The following HOOK1 variants were observed in gnomAD, a reference collection of about 807,000 sequenced individuals.
HOOK1 encodes protein Hook homolog 1.
Under a neutral mutation model 112.8 loss-of-function variants are expected in HOOK1, and 60 were observed. The observed-to-expected ratio is 0.53, with a 90% CI of 0.43 to 0.66. The LOEUF (loss-of-function observed/expected upper bound fraction) is 0.66. Among genes scored for constraint, HOOK1 ranks in the 30% least tolerant of loss-of-function variants. HOOK1 has a pLI of 0.00. For missense variants in HOOK1, 770 were observed against 856.0 expected, an observed-to-expected ratio of 0.90 and a Z score of 1.25; for synonymous variants, 294 against 283.8, an observed-to-expected ratio of 1.04 and a Z score of -0.36.
chr1:59,836,906 A>G lies in HOOK1; in HGVS notation c.508A>G (p.Asn170Asp). 2 of 1,596,924 alleles carry G rather than the reference A, an allele frequency of 1.3e-6. No homozygotes were observed. The highest frequency in any genetic ancestry group is 1.7e-6 in the Non-Finnish European group (2 of 1,167,742). ...MSKEILSSPP[N>D]DAVGELEQQL... ...TAAAGAAATATTGAGCTCTCCTCCA[A>G]ATGATGCTGTTGGAGAATTGGAGCA... is the stretch of plus-strand genomic sequence containing the variant. The change falls in exon 7 of 22, where the codon AAT becomes GAT. Residue 170 changes from asparagine to aspartate, a missense_variant. By Grantham distance (23) the Asn-to-Asp change is conservative. Coordinates refer to ENST00000371208, the MANE Select transcript of HOOK1 (RefSeq NM_015888.6).
At chr1:59,841,886 A>T (rs2098401196) in intron 8 of HOOK1, among the ~76,000 whole-genome samples, 1 of 152,140 alleles carries the variant, frequency 6.6e-6, no homozygotes, top group South Asian at 2.1e-4. Flanking sequence ...ACAGGTGCAG[A>T]TTGAACTTAT....
chr1:59,831,846 GT>G (rs2098394209), intron 3 of HOOK1, among the ~76,000 whole-genome samples: 1 of 152,104 alleles, frequency 6.6e-6, no homozygotes, highest in African/African-American at 2.4e-5. Flanking sequence ...TTATTTTCTA[GT>G]TATTAGTGAC....
chr1:59,834,624 A>G lies in HOOK1; in HGVS notation c.407-721A>G, dbSNP rs552728722. 8.8e-4 allele frequency among the ~76,000 whole-genome samples: 134 copies of G among 152,270 alleles called. No homozygotes were observed. The Middle Eastern group carries it at 0.01, about 12-fold the overall frequency. On this transcript the variant is annotated intron_variant, in intron 5 of 21. Transcript: ENST00000371208. The stretch of plus-strand genomic sequence containing the variant: ...TCTCTAAATATTTAATCACAAATTG[A>G]CAAGTAGTAATTTATTTATAAATCT...
At chr1:59,816,411 G>A (rs896402212) in intron 1 of HOOK1, among the ~76,000 whole-genome samples, 5 of 152,122 alleles carry the variant, frequency 3.3e-5, no homozygotes, top group African/African-American at 1.2e-4. Flanking sequence ...TAAGACTGTC[G>A]TAGAAACAAG....
At chr1:59,867,571 G>T (rs1348434142) in intron 19 of HOOK1, among the ~76,000 whole-genome samples, 1 of 151,992 alleles carries the variant, frequency 6.6e-6, no homozygotes, top group Non-Finnish European at 1.5e-5. Context: ...GAAATTTATG[G>T]TTTTTGCTTG....
rs934993017 is a variant in HOOK1 at position 59,840,210 on chromosome 1, C to G, written c.538-98C>G. 1.6e-5 allele frequency: 9 copies of G among 570,650 alleles called. No individual in the cohort carries two copies. In the Admixed American group the frequency reaches 2.1e-4, roughly 13 times the overall value. The allele number at this position is 570,650 out of a possible 1,614,324, so 35.3% of individuals were successfully genotyped here. On this transcript the variant is annotated intron_variant, in intron 7 of 21. Coordinates refer to ENST00000371208, the MANE Select transcript of HOOK1 (RefSeq NM_015888.6). ...AAATTCAAAAAATAATTTCCCATAT[C>G]AGTGTATATGTGTGTTGTGAGAAGA...
rs1300268813 is a variant in HOOK1, at chr1:59,868,279, T to C, written c.1875T>C (p.Asn625=). 6 of 1,609,282 alleles carry C rather than the reference T, an allele frequency of 3.7e-6. No individual in the cohort carries two copies. In the Admixed American group the frequency reaches 1.0e-4, roughly 27 times the overall value. The part of the protein sequence containing the change: ...NVIKTLDPKL[N]PASAEIMLLR... ...TAAAAACTTTGGATCCCAAGTTAAA[T>C]CCAGCATCAGCTGAAATAATGCTAC... Residue 625 remains asparagine, a synonymous_variant, in exon 20 of 22, where the codon AAT becomes AAC. Coordinates refer to ENST00000371208, the MANE Select transcript of HOOK1 (RefSeq NM_015888.6).
chr1:59,842,730 GA>G (rs1467099632), intron 8 of HOOK1, among the ~76,000 whole-genome samples: 1 of 152,082 alleles, frequency 6.6e-6, no homozygotes, highest in Admixed American at 6.6e-5. Context: ...CTTATCAAAA[GA>G]CACAGCCTTA....
intron 15 of HOOK1, among the ~76,000 whole-genome samples, chr1:59,860,852 C>T (rs1424734342): frequency 1.3e-5 from 2 of 151,622 alleles, no homozygotes; most frequent in African/African-American, 4.9e-5. Context: ...CGGCTCACTG[C>T]AACTTCCGCC....
chr1:59,858,564 G>C (rs780927816), intron 13 of HOOK1, 49 bp downstream of exon 13: 1 of 1,194,180 alleles, frequency 8.4e-7, no homozygotes, highest in Non-Finnish European at 1.3e-6. Context: ...AGCATAGTGG[G>C]ACTCCATTCA....
chr1:59,815,198 A>G lies in HOOK1; in HGVS notation c.63+18A>G. ...TGATCTGGGTGAGTGCGAGGAGGCG[A>G]GAGGGCGAGGGGGCCAGGGGGCCGA... On this transcript the variant is annotated intron_variant, in intron 1 of 21. Coordinates refer to ENST00000371208, the MANE Select transcript of HOOK1 (RefSeq NM_015888.6). 1 of 1,541,570 alleles carries G rather than the reference A, an allele frequency of 6.5e-7. No homozygotes were observed. The highest frequency in any genetic ancestry group is 8.7e-7 in the Non-Finnish European group (1 of 1,145,962).
chr1:59,835,830 A>G (rs1216619788), intron 6 of HOOK1, among the ~76,000 whole-genome samples: 3 of 152,062 alleles, frequency 2.0e-5, no homozygotes, highest in Admixed American at 2.0e-4. Flanking sequence ...ATGAGAATCT[A>G]ATGCTGCCGC....
chr1:59,858,988 C>A lies in HOOK1; in HGVS notation c.1334C>A (p.Ala445Glu). 6.5e-7 allele frequency: 1 copy of A among 1,549,680 alleles called. No individual in the cohort carries two copies. The change falls in exon 14 of 22, where the codon GCA (alanine) becomes GAA (glutamate). Residue 445 changes from alanine (A) to glutamate (E), a missense_variant. Transcript: ENST00000371208. ...TTTATTTTTTGTTATTTTTTAGATGCATCTGCTACAAAAAGTTATGAGAAT... is the reference window on the plus strand; with the variant it reads ...TTTATTTTTTGTTATTTTTTAGATGAATCTGCTACAAAAAGTTATGAGAAT... ...VQQDHLNQTD[A>E]SATKSYENLA...
In HOOK1 at chr1:59,873,865, T is replaced by C. The variant is rs1644095537; in HGVS notation, c.*900T>C. The C allele has an allele frequency of 1.3e-5, 2 of 151,034 alleles. No individual in the cohort carries two copies. Among genetic ancestry groups the C allele is most frequent in the African/African-American group, 4.9e-5 (2 of 41,182 alleles). 9.4% of individuals were successfully genotyped at this position (151,034 alleles called of 1,614,324 possible). ...GTATTTAGCTTCTGCTGAAAAATTGTATCATATAATAATTTTGCTTCATTG... is the reference window on the plus strand; with the variant it reads ...GTATTTAGCTTCTGCTGAAAAATTGCATCATATAATAATTTTGCTTCATTG... On this transcript the variant is annotated 3_prime_UTR_variant, in exon 22 of 22. Transcript: ENST00000371208.
Position 59,840,302 on chromosome 1 carries a change from T to C in HOOK1, c.538-6T>C, listed in dbSNP as rs1251199853. On this transcript the variant is annotated splice_polypyrimidine_tract_variant and splice_region_variant and intron_variant, in intron 7 of 21. Coordinates refer to ENST00000371208, the MANE Select transcript of HOOK1 (RefSeq NM_015888.6). ...TTACTAAGATTTAGGACATTTTGTA[T>C]TTCAGCTTAAAAGAGCCTTGGAAGA... The C allele has an allele frequency of 2.2e-5, 35 of 1,558,562 alleles. No homozygotes were observed. Among genetic ancestry groups the C allele is most frequent in the Non-Finnish European group, 3.0e-5 (35 of 1,157,216 alleles).
chr1:59,843,738 T>A (rs1436928678), intron 9 of HOOK1, 140 bp downstream of exon 9: 1 of 632,388 alleles, frequency 1.6e-6, no homozygotes, highest in Non-Finnish European at 2.6e-6. Context: ...TACCAGATGG[T>A]ATAAGTGGTT....
At chr1:59,859,642 A>T (rs1559059881) in intron 14 of HOOK1, among the ~76,000 whole-genome samples, 1 of 152,006 alleles carries the variant, frequency 6.6e-6, no homozygotes, top group Non-Finnish European at 1.5e-5. Flanking sequence ...AATAATATTA[A>T]CATCAATAAT....
intron 13 of HOOK1, 100 bp downstream of exon 13, chr1:59,858,615 T>C: frequency 1.3e-6 from 1 of 788,864 alleles, no homozygotes; most frequent in South Asian, 1.5e-5. Flanking sequence ...GGCGCATGCC[T>C]ATAGTCCTAG....
At chr1:59,820,383 A>T (rs1477919488) in intron 1 of HOOK1, among the ~76,000 whole-genome samples, 1 of 152,134 alleles carries the variant, frequency 6.6e-6, no homozygotes, top group Non-Finnish European at 1.5e-5. Flanking sequence ...AAATAAGTCC[A>T]AGCTTCTTGT....
Sources: allele counts gnomAD v4.1 joint callset (sites outside exome capture counted in the v4.1 genomes callset), GRCh38; gene constraint gnomAD v4.1.1; transcripts MANE v1.5; gene names NCBI Gene and HGNC (gene_info 2026-07-23, HGNC 2026-07-21).